Variants in C12orf42 observed in about 807,000 individuals in gnomAD.
C12orf42 encodes uncharacterized protein C12orf42.
A neutral mutation model predicts 21.6 loss-of-function variants in C12orf42; 25 were observed. That is an observed-to-expected ratio of 1.16 (90% CI 0.84 to 1.62). C12orf42 has a LOEUF of 1.62. C12orf42 is among the 40% of genes most tolerant of loss of function. C12orf42 has a pLI of 0.00. For missense variants in C12orf42, 483 were observed against 459.3 expected (o/e 1.05, Z -0.47); for synonymous variants, 174 against 175.0 (o/e 0.99, Z 0.05).
chr12:103,164,350 C>T, the C12orf42 span: 1 of 454,158 alleles, frequency 2.2e-6, no homozygotes, highest in Admixed American at 2.4e-5. Flanking sequence ...CTCCTATCCC[C>T]TTTCATAGAA....
chr12:103,297,007 A>T (rs1210663402), downstream of C12orf42, among the ~76,000 whole-genome samples: 1 of 152,152 alleles, frequency 6.6e-6, no homozygotes, highest in Non-Finnish European at 1.5e-5. Context: ...AACATTTAAG[A>T]CTTTAATCCA....
At position 103,480,258 on chromosome 12, in the gene C12orf42, T is replaced by A. The variant is rs116495626; in HGVS notation, c.-21-1811A>T. On this transcript the variant is annotated intron_variant, in intron 1 of 5. Transcript: ENST00000548883. ...GTAATACACACATATTTTTATCTAT[T>A]CAGCATAAACAATTCTATTCCATTA... Among the ~76,000 whole-genome samples the A allele has an allele frequency of 5.0e-3, 758 of 151,932 alleles. 6 individuals are homozygous for A. The highest frequency in any genetic ancestry group is 0.017 in the African/African-American group (721 of 41,548).
At chr12:103,552,156 C>G in the C12orf42 span, among the ~76,000 whole-genome samples, 1 of 152,052 alleles carries the variant, frequency 6.6e-6, no homozygotes, top group East Asian at 1.9e-4. Context: ...GTTATAGGAA[C>G]TTATATTTGT....
the C12orf42 span, among the ~76,000 whole-genome samples, chr12:103,148,905 T>C: frequency 6.6e-6 from 1 of 152,182 alleles, no homozygotes; most frequent in Non-Finnish European, 1.5e-5. Flanking sequence ...TATTTGCCCA[T>C]TATAACTCAT....
intron 2 of C12orf42, among the ~76,000 whole-genome samples, chr12:103,443,651 A>T (rs1042997320): frequency 1.3e-5 from 2 of 152,130 alleles, no homozygotes; most frequent in African/African-American, 4.8e-5. Flanking sequence ...CAAACAAAAC[A>T]TATCTGTAAT....
intron 2 of C12orf42, among the ~76,000 whole-genome samples, chr12:103,466,862 C>T (rs1953177737): frequency 6.6e-6 from 1 of 152,196 alleles, no homozygotes; most frequent in Admixed American, 6.5e-5. Flanking sequence ...TTGCCCTCTG[C>T]CATTGCCATG....
chr12:103,228,094 C>T, the C12orf42 span, among the ~76,000 whole-genome samples: 7 of 152,260 alleles, frequency 4.6e-5, no homozygotes, highest in African/African-American at 1.2e-4. Flanking sequence ...ATCAGAGTCA[C>T]GGCACCAAAT....
the C12orf42 span, among the ~76,000 whole-genome samples, chr12:103,204,096 C>T: frequency 3.5e-4 from 54 of 152,224 alleles, no homozygotes; most frequent in African/African-American, 1.2e-3. Context: ...CTTAAATTTG[C>T]GCCTACATTC....
At chr12:103,522,329 C>A in the C12orf42 span, among the ~76,000 whole-genome samples, 1 of 152,142 alleles carries the variant, frequency 6.6e-6, no homozygotes, top group Non-Finnish European at 1.5e-5. Context: ...AACTGTGAGT[C>A]CATTAAAGCT....
rs77914211 is a variant in C12orf42 at position 103,308,580 on chromosome 12, T to C, written c.260-2235A>G. ...ATGGAGGGAGCAGAATGAGGAAGGA[T>C]AAGTGTTTAGAGCTTTGGGATCTGA... On this transcript the variant is annotated intron_variant, in intron 4 of 5. Transcript: ENST00000548883. 0.012 allele frequency among the ~76,000 whole-genome samples: 1,757 copies of C among 152,258 alleles called. 99 individuals carry two copies. In the East Asian group the frequency reaches 0.2, roughly 17 times the overall value.
chr12:103,313,304 A>C (rs908548727), intron 4 of C12orf42, among the ~76,000 whole-genome samples: 1 of 152,228 alleles, frequency 6.6e-6, no homozygotes, highest in South Asian at 2.1e-4. Context: ...CTTACACCAC[A>C]TAATGGGGTT....
At chr12:103,080,197 G>A in the C12orf42 span, among the ~76,000 whole-genome samples, 58 of 152,078 alleles carry the variant, frequency 3.8e-4, no homozygotes, top group Non-Finnish European at 2.5e-4. Context: ...GAGTTGGGGC[G>A]GCCAGGTCAG....
intron 4 of C12orf42, among the ~76,000 whole-genome samples, chr12:103,320,847 C>T (rs903586321): frequency 2.0e-5 from 3 of 152,086 alleles, no homozygotes; most frequent in African/African-American, 7.2e-5. Flanking sequence ...CTTGCTGTAT[C>T]CTCATTGGAC....
chr12:103,149,300 T>A, the C12orf42 span, among the ~76,000 whole-genome samples: 2 of 152,228 alleles, frequency 1.3e-5, no homozygotes, highest in African/African-American at 4.8e-5. Context: ...GAACATTGTA[T>A]GATAAAGGTT....
chr12:103,159,211 C>A, the C12orf42 span, among the ~76,000 whole-genome samples: 2 of 152,120 alleles, frequency 1.3e-5, no homozygotes, highest in African/African-American at 4.8e-5. Context: ...GATAGAATTG[C>A]ATTATAGACA....
At chr12:103,526,377 T>C in the C12orf42 span, among the ~76,000 whole-genome samples, 5 of 152,316 alleles carry the variant, frequency 3.3e-5, no homozygotes, top group African/African-American at 9.6e-5. Flanking sequence ...TTTCTATCAT[T>C]GCACGAGTTG....
the C12orf42 span, among the ~76,000 whole-genome samples, chr12:103,117,942 A>G: frequency 6.6e-6 from 1 of 152,232 alleles, no homozygotes; most frequent in Non-Finnish European, 1.5e-5. Context: ...TTCCACTGTT[A>G]CTGTAAGGAT....
chr12:103,363,749 C>T (rs1000036773), intron 4 of C12orf42, among the ~76,000 whole-genome samples: 9 of 152,046 alleles, frequency 5.9e-5, no homozygotes, highest in East Asian at 1.9e-4. Context: ...AAGACAAAGA[C>T]AGACATTATG....
At chr12:103,440,254 G>T (rs1334414442) in intron 2 of C12orf42, among the ~76,000 whole-genome samples, 1 of 124,816 alleles carries the variant, frequency 8.0e-6, no homozygotes, top group East Asian at 2.4e-4. Context: ...GCTGGGGACT[G>T]TGGTGGGGTC....
Sources: gnomAD v4.1 joint callset for allele counts (sites outside exome capture counted in the v4.1 genomes callset) on GRCh38, gnomAD v4.1.1 for gene constraint, MANE v1.5 for transcripts, NCBI Gene and HGNC (gene_info 2026-07-23, HGNC 2026-07-21) for gene names.